Variants in MAPK10 observed in about 807,000 individuals in gnomAD.
MAPK10 encodes mitogen-activated protein kinase 10.
In MAPK10, 25 loss-of-function variants were observed where a neutral mutation model predicts 59.3. The observed-to-expected ratio is 0.42, with a 90% CI of 0.31 to 0.59. The LOEUF (loss-of-function observed/expected upper bound fraction) is 0.59, where lower values mean the gene tolerates loss of function less well. Ranked by LOEUF, MAPK10 falls within the 20% of genes least tolerant of loss-of-function variation. The probability of loss-of-function intolerance (pLI) is 0.15; values close to 1 mark genes in which losing one functional copy is unlikely to be tolerated. For synonymous variants in MAPK10, 190 were observed against 200.5 expected (o/e 0.95, Z 0.44); for missense variants, 351 against 568.9 (o/e 0.62, Z 3.90).
intron 9 of MAPK10, among the ~76,000 whole-genome samples, chr4:86,093,385 T>C (rs1385631499): frequency 6.6e-6 from 1 of 151,998 alleles, no homozygotes; most frequent in Non-Finnish European, 1.5e-5. Context: ...AGATTTAATA[T>C]AGTTTTCTAA....
chr4:86,443,073 G>GCCCCA (rs1564876973), intron 1 of MAPK10, among the ~76,000 whole-genome samples: 1 of 152,100 alleles, frequency 6.6e-6, no homozygotes, highest in African/African-American at 2.4e-5. Flanking sequence ...GGGAACCAGT[G>GCCCCA]CCCCAGCAGG....
intron 3 of MAPK10, among the ~76,000 whole-genome samples, chr4:86,174,411 G>GA (rs1562690863): frequency 6.6e-6 from 1 of 152,102 alleles, no homozygotes; most frequent in Non-Finnish European, 1.5e-5. Context: ...AGTGGGAGCT[G>GA]AAAAATGAGA....
intron 11 of MAPK10, chr4:86,044,749 A>T (rs2076304062): frequency 2.5e-6 from 1 of 397,646 alleles, no homozygotes; most frequent in African/African-American, 2.1e-5. Flanking sequence ...AATGCGTCAC[A>T]GGTTTTCTGA....
chr4:86,090,979 A>G (rs2053014543), intron 9 of MAPK10: 1 of 152,054 alleles, frequency 6.6e-6, no homozygotes, highest in South Asian at 2.1e-4. Flanking sequence ...AACCAATTCT[A>G]TTACTTTCCA....
At position 86,017,760 on chromosome 4, in the gene MAPK10, G is replaced by T. The variant is rs1744091817; in HGVS notation, c.1253-390C>A. 1.3e-5 allele frequency among the ~76,000 whole-genome samples: 2 copies of T among 152,090 alleles called. No individual in the cohort carries two copies. The highest frequency in any genetic ancestry group is 1.3e-4 in the Admixed American group (2 of 15,272). ...TTTTTTTGAGATGGAGTCTCGCTCTGTCGCCAGGCTGGAGTGCAGCGGCAC... is the reference window on the plus strand; with the variant it reads ...TTTTTTTGAGATGGAGTCTCGCTCTTTCGCCAGGCTGGAGTGCAGCGGCAC... On this transcript the variant is annotated intron_variant, in intron 13 of 13. Transcript: ENST00000641462. This position sits in a 1 kb window ranked among gnomAD's most constrained non-coding sequence, Gnocchi z 4.4.
At chr4:86,389,924 T>C (rs979001782) in intron 1 of MAPK10, among the ~76,000 whole-genome samples, 2 of 147,044 alleles carry the variant, frequency 1.4e-5, no homozygotes, top group African/African-American at 5.1e-5. Context: ...AGAACCTCCC[T>C]CTCTCTCTGC....
intron 1 of MAPK10, among the ~76,000 whole-genome samples, chr4:86,407,307 A>T (rs528149673): frequency 6.6e-5 from 10 of 152,292 alleles, no homozygotes; most frequent in African/African-American, 2.4e-4. Flanking sequence ...CAGGAAGTAA[A>T]TGTTCCTGAG....
At chr4:86,368,792 A>C (rs1377242880) in intron 1 of MAPK10, among the ~76,000 whole-genome samples, 2 of 151,960 alleles carry the variant, frequency 1.3e-5, no homozygotes, top group African/African-American at 4.8e-5. Flanking sequence ...TTTTTTTTGA[A>C]AGTCTGAATG....
intron 7 of MAPK10, 156 bp from the exon 8 acceptor site, chr4:86,101,373 G>C (rs959924263): frequency 1.9e-6 from 1 of 531,376 alleles, no homozygotes; most frequent in Non-Finnish European, 3.3e-6. Context: ...CTACAAATAA[G>C]TTAACTATTA....
chr4:86,404,694 GA>G (rs1744142572), intron 1 of MAPK10, among the ~76,000 whole-genome samples: 1 of 152,178 alleles, frequency 6.6e-6, no homozygotes, highest in African/African-American at 2.4e-5. Flanking sequence ...TGTAAGCAGA[GA>G]GGGGCAAATC....
chr4:86,578,800 G>T (rs1050514923), intron 1 of MAPK10, among the ~76,000 whole-genome samples: 2 of 151,566 alleles, frequency 1.3e-5, no homozygotes, highest in Non-Finnish European at 2.9e-5. Context: ...CTTGATTGAC[G>T]TCTTGCACCT....
Position 86,371,968 on chromosome 4 carries a change from A to G in MAPK10, c.-121-17324T>C, listed in dbSNP as rs28421956. The stretch of plus-strand genomic sequence containing the variant: ...ACACCCCACTGTCAATATTAGACAG[A>G]TCAATGAGACAGAAGGTTAACAAGA... On this transcript the variant is annotated intron_variant, in intron 1 of 13. Transcript: ENST00000361569. Among the ~76,000 whole-genome samples the G allele has an allele frequency of 4.3e-3, 662 of 152,340 alleles. 6 individuals are homozygous for G. Among genetic ancestry groups the G allele is most frequent in the African/African-American group, 0.015 (639 of 41,570 alleles).
intron 1 of MAPK10, among the ~76,000 whole-genome samples, chr4:86,483,452 C>G (rs144508609): frequency 6.6e-6 from 1 of 152,058 alleles, no homozygotes; most frequent in East Asian, 1.9e-4. Context: ...GAATATAGAA[C>G]AAACTAGAGA....
intron 2 of MAPK10, among the ~76,000 whole-genome samples, chr4:86,205,578 T>C (rs2083627229): frequency 6.6e-6 from 1 of 151,880 alleles, no homozygotes; most frequent in Admixed American, 6.6e-5. Context: ...TTAAAAATTA[T>C]CAAGCAAAAT....
intron 1 of MAPK10, among the ~76,000 whole-genome samples, chr4:86,541,274 CAGG>C (rs767347110): frequency 6.6e-6 from 1 of 152,112 alleles, no homozygotes; most frequent in Non-Finnish European, 1.5e-5. Context: ...TCAGCAGCAG[CAGG>C]AGAAGATAAC....
intron 1 of MAPK10, among the ~76,000 whole-genome samples, chr4:86,400,447 CTCTT>C (rs1743554825): frequency 1.3e-5 from 2 of 152,078 alleles, no homozygotes; most frequent in South Asian, 4.2e-4. Flanking sequence ...CCCTCTCTCT[CTCTT>C]TCTCTCTCTC....
chr4:86,252,496 TA>T (rs1444442033), intron 2 of MAPK10, among the ~76,000 whole-genome samples: 1 of 143,602 alleles, frequency 7.0e-6, no homozygotes, highest in African/African-American at 2.8e-5. Context: ...TATGCGGCGT[TA>T]TTTCCGAGGG....
upstream of MAPK10, among the ~76,000 whole-genome samples, chr4:86,361,714 G>A (rs1737000885): frequency 6.6e-6 from 1 of 151,880 alleles, no homozygotes; most frequent in African/African-American, 2.4e-5. Context: ...ATAAGAACAG[G>A]AAATTCTGTC....
At chr4:86,073,769 T>C (rs1444385039) in intron 9 of MAPK10, among the ~76,000 whole-genome samples, 15 of 107,640 alleles carry the variant, frequency 1.4e-4, no homozygotes, top group South Asian at 2.9e-4. Context: ...TAGTTTGTTA[T>C]AATTTCTGTT....
Sources: gnomAD v4.1 joint callset for allele counts (sites outside exome capture counted in the v4.1 genomes callset) on GRCh38, gnomAD v4.1.1 for gene constraint, Gnocchi (gnomAD v3.1) non-coding constraint, MANE v1.5 for transcripts, NCBI Gene and HGNC (gene_info 2026-07-23, HGNC 2026-07-21) for gene names.